Variants in TMEM178B observed in about 807,000 individuals in gnomAD.
The protein encoded by TMEM178B is transmembrane protein 178B.
In TMEM178B, 5 loss-of-function variants were observed where a neutral mutation model predicts 31.0. The ratio of observed to expected loss-of-function variants is 0.16; its 90% CI spans 0.08 to 0.34. The LOEUF (loss-of-function observed/expected upper bound fraction) is 0.34. Ranked by LOEUF, TMEM178B falls within the 10% of genes least tolerant of loss-of-function variation. The probability of loss-of-function intolerance (pLI) is 1.00; values close to 1 mark genes in which losing one functional copy is unlikely to be tolerated. For synonymous variants in TMEM178B, 164 were observed against 164.0 expected (o/e 1.00, Z 0.00); for missense variants, 275 against 400.3 (o/e 0.69, Z 2.67).
At chr7:141,292,634 C>CT (rs34248650) in intron 2 of TMEM178B, among the ~76,000 whole-genome samples, 2,855 of 106,122 alleles carry the variant, frequency 0.027, 188 homozygotes, top group East Asian at 0.14. Flanking sequence ...GCTTTTAGAT[C>CT]TTTTTTTTTT....
intron 2 of TMEM178B, among the ~76,000 whole-genome samples, chr7:141,317,398 C>T (rs1563149793): frequency 1.3e-5 from 2 of 152,174 alleles, no homozygotes; most frequent in Non-Finnish European, 2.9e-5. Flanking sequence ...GCCCACCTGG[C>T]TGCAGGTGCA....
chr7:141,248,751 G>A (rs564731023), intron 2 of TMEM178B, among the ~76,000 whole-genome samples: 1 of 152,204 alleles, frequency 6.6e-6, no homozygotes, highest in African/African-American at 2.4e-5. Flanking sequence ...CTCTGGGTGA[G>A]TCGGTGAGTG....
At chr7:141,296,551 C>G (rs1798638050) in intron 2 of TMEM178B, among the ~76,000 whole-genome samples, 1 of 152,240 alleles carries the variant, frequency 6.6e-6, no homozygotes, top group South Asian at 2.1e-4. Flanking sequence ...TATGCTAAGA[C>G]AGCCAGCTCT....
At chr7:141,313,047 C>T (rs1798940964) in intron 2 of TMEM178B, among the ~76,000 whole-genome samples, 1 of 152,158 alleles carries the variant, frequency 6.6e-6, no homozygotes, top group African/African-American at 2.4e-5. Flanking sequence ...TACCCAGGCC[C>T]TATTCTAGAT....
At chr7:141,427,613 CAG>C (rs1038452655) in intron 2 of TMEM178B, among the ~76,000 whole-genome samples, 10 of 152,232 alleles carry the variant, frequency 6.6e-5, no homozygotes, top group African/African-American at 2.4e-4. Context: ...TGGAGGAAAA[CAG>C]GGGAAATGTT....
intron 1 of TMEM178B, among the ~76,000 whole-genome samples, chr7:141,082,058 C>T (rs1794694833): frequency 6.6e-6 from 1 of 152,216 alleles, no homozygotes; most frequent in Non-Finnish European, 1.5e-5. Flanking sequence ...GGTTTATAGC[C>T]TTGGAGCAAT....
At chr7:141,328,315 A>C (rs989223963) in intron 2 of TMEM178B, among the ~76,000 whole-genome samples, 1 of 152,208 alleles carries the variant, frequency 6.6e-6, no homozygotes, top group African/African-American at 2.4e-5. Context: ...GGGGAATAAG[A>C]GAAGGAACTG....
At chr7:141,410,069 T>C (rs1238616321) in intron 2 of TMEM178B, among the ~76,000 whole-genome samples, 1 of 152,226 alleles carries the variant, frequency 6.6e-6, no homozygotes, top group Non-Finnish European at 1.5e-5. Context: ...ACATCCTTGC[T>C]CTGTGCCTGC....
intron 2 of TMEM178B, among the ~76,000 whole-genome samples, chr7:141,392,954 T>G (rs2116607222): frequency 6.6e-6 from 1 of 150,842 alleles, no homozygotes; most frequent in African/African-American, 2.4e-5. Flanking sequence ...AAAGACAGAG[T>G]AGTCATTACC....
intron 2 of TMEM178B, among the ~76,000 whole-genome samples, chr7:141,270,332 A>T (rs996318155): frequency 6.6e-6 from 1 of 152,024 alleles, no homozygotes; most frequent in Admixed American, 6.5e-5. Context: ...CTACATCTCT[A>T]GGAAGCATCT....
At chr7:141,459,542 G>T (rs555938237) in intron 3 of TMEM178B, among the ~76,000 whole-genome samples, 1 of 152,306 alleles carries the variant, frequency 6.6e-6, no homozygotes, top group East Asian at 1.9e-4. Context: ...AAATTTTAAA[G>T]ATTCAGAAAA....
At chr7:141,369,898 G>A (rs1316771998) in intron 2 of TMEM178B, among the ~76,000 whole-genome samples, 1 of 152,196 alleles carries the variant, frequency 6.6e-6, no homozygotes, top group African/African-American at 2.4e-5. Context: ...AAACAGCTTG[G>A]AGAGAAACAA....
intron 1 of TMEM178B, among the ~76,000 whole-genome samples, chr7:141,137,351 C>T (rs1394485874): frequency 6.6e-6 from 1 of 152,074 alleles, no homozygotes; most frequent in African/African-American, 2.4e-5. Flanking sequence ...GGAAATGTGG[C>T]ATATATATGC....
At chr7:141,488,456 T>C in the TMEM178B span, among the ~76,000 whole-genome samples, 10 of 152,226 alleles carry the variant, frequency 6.6e-5, no homozygotes, top group African/African-American at 2.2e-4. Flanking sequence ...TTTTTTCTTT[T>C]TTGAGACAGA....
At chr7:141,225,691 CAGCT>C (rs1055997684) in intron 2 of TMEM178B, among the ~76,000 whole-genome samples, 4 of 152,206 alleles carry the variant, frequency 2.6e-5, no homozygotes, top group African/African-American at 9.6e-5. Context: ...CCCCCTACCC[CAGCT>C]ACATCTGTCA....
At chr7:141,079,634 AC>A (rs1563082020) in intron 1 of TMEM178B, among the ~76,000 whole-genome samples, 1 of 152,128 alleles carries the variant, frequency 6.6e-6, no homozygotes, top group East Asian at 1.9e-4. Context: ...TCATCAACTC[AC>A]AGAATTCTCA....
At chr7:141,503,325 C>T in the TMEM178B span, among the ~76,000 whole-genome samples, 4 of 152,182 alleles carry the variant, frequency 2.6e-5, no homozygotes, top group Non-Finnish European at 4.4e-5. Flanking sequence ...GAGTAGCTTT[C>T]CCAAGGCCTC....
chr7:141,087,783 A>G (rs556567832), intron 1 of TMEM178B, among the ~76,000 whole-genome samples: 2 of 152,342 alleles, frequency 1.3e-5, no homozygotes, highest in East Asian at 3.9e-4. Context: ...AAGAGTCCTT[A>G]TGTTAAGATC....
intron 1 of TMEM178B, among the ~76,000 whole-genome samples, chr7:141,175,143 G>T (rs544957678): frequency 1.3e-5 from 2 of 152,140 alleles, no homozygotes; most frequent in Admixed American, 6.6e-5. Context: ...TTTGTATGGG[G>T]TGTAAGGAAG....
Sources: allele counts gnomAD v4.1 joint callset (sites outside exome capture counted in the v4.1 genomes callset), GRCh38; gene constraint gnomAD v4.1.1; transcripts MANE v1.5; gene names NCBI Gene and HGNC (gene_info 2026-07-23, HGNC 2026-07-21).